INTS4: variants seen among roughly 807,000 people sequenced by gnomAD.
The protein encoded by INTS4 is integrator complex subunit 4, also known as MSTP093.
In INTS4, 70 loss-of-function variants were observed where a neutral mutation model predicts 119.5. The ratio of observed to expected loss-of-function variants is 0.59; its 90% CI spans 0.48 to 0.71. INTS4 has a LOEUF of 0.71. Among genes scored for constraint, INTS4 ranks in the 30% least tolerant of loss-of-function variants. The pLI is 0.00. For missense variants in INTS4, 867 were observed against 1,173.2 expected, an observed-to-expected ratio of 0.74 and a Z score of 3.81; for synonymous variants, 316 against 419.6, an observed-to-expected ratio of 0.75 and a Z score of 3.02.
chr11:77,893,096 T>G (rs564773926), intron 19 of INTS4, among the ~76,000 whole-genome samples: 2 of 152,300 alleles, frequency 1.3e-5, no homozygotes, highest in Non-Finnish European at 2.9e-5. Context: ...TGCTTTAAGA[T>G]CCTATGTCTT....
intron 21 of INTS4, among the ~76,000 whole-genome samples, chr11:77,890,876 G>A (rs1329900435): frequency 1.3e-5 from 2 of 152,134 alleles, no homozygotes; most frequent in Non-Finnish European, 2.9e-5. Context: ...TATGTAACTT[G>A]GGAAAGAATA....
intron 14 of INTS4, 136 bp downstream of exon 14, chr11:77,921,201 CAGG>C: frequency 1.4e-6 from 1 of 738,258 alleles, no homozygotes; most frequent in Non-Finnish European, 2.3e-6. Flanking sequence ...GAGGCTGAGC[CAGG>C]AGGATGGCTT....
intron 3 of INTS4, among the ~76,000 whole-genome samples, chr11:77,980,207 G>A (rs1856151621): frequency 1.3e-5 from 2 of 151,542 alleles, no homozygotes; most frequent in South Asian, 4.2e-4. Flanking sequence ...ACTTCTCTAA[G>A]TAGAATGCCT....
At chr11:77,906,259 A>G (rs999641863) in intron 16 of INTS4, among the ~76,000 whole-genome samples, 1 of 152,188 alleles carries the variant, frequency 6.6e-6, no homozygotes, top group Non-Finnish European at 1.5e-5. Context: ...AATTCTTCAT[A>G]AAGAATTACT....
At chr11:77,950,189 G>A (rs1954154888) in intron 8 of INTS4, among the ~76,000 whole-genome samples, 1 of 152,156 alleles carries the variant, frequency 6.6e-6, no homozygotes, top group Non-Finnish European at 1.5e-5. Flanking sequence ...GACACAAGGA[G>A]GGAAACATCA....
intron 8 of INTS4, among the ~76,000 whole-genome samples, chr11:77,952,473 T>G (rs1251925673): frequency 2.0e-5 from 3 of 152,238 alleles, no homozygotes; most frequent in Non-Finnish European, 2.9e-5. Flanking sequence ...TGTGCTTGTA[T>G]ATAAAGAAGT....
At position 77,879,062 on chromosome 11, in the gene INTS4, G is replaced by C. The variant is rs770220271; in HGVS notation, c.2779C>G (p.Pro927Ala). 8 of 1,613,992 alleles carry C rather than the reference G, an allele frequency of 5.0e-6. No homozygotes were observed. The Admixed American group carries it at 1.3e-4, about 27-fold the overall frequency. Reference protein sequence around the residue: ...YNSSARIPKCPWMEGGEMSPQ... With the variant: ...YNSSARIPKCAWMEGGEMSPQ... The stretch of plus-strand genomic sequence containing the variant: ...GACATCTCACCACCCTCCATCCAGG[G>C]GCATTTTGGAATGCGAGCACTGGAG... The change falls in exon 23 of 23, where the codon CCC becomes GCC. Residue 927 changes from proline (P) to alanine (A), a missense_variant. Transcript: ENST00000534064.
At chr11:77,958,414 C>T (rs1954384127) in intron 7 of INTS4, among the ~76,000 whole-genome samples, 1 of 152,120 alleles carries the variant, frequency 6.6e-6, no homozygotes, top group Admixed American at 6.5e-5. Context: ...TTGGCACAAG[C>T]CAAACTAAAA....
In INTS4 at chr11:77,973,276, C is replaced by T. The variant is rs1001995113; in HGVS notation, c.471+5720G>A. Among the ~76,000 whole-genome samples, 3 of 152,150 alleles carry T rather than the reference C, an allele frequency of 2.0e-5. No homozygotes were observed. The East Asian group carries it at 5.8e-4, about 29-fold the overall frequency. ...TTTTGTATCCTGCAATCTTGCTAAA[C>T]TCATTTATTACTTCAAACAGTTTTT... On this transcript the variant is annotated intron_variant, in intron 4 of 22. Transcript: ENST00000534064.
At chr11:77,966,544 T>C (rs557490049) in intron 4 of INTS4, among the ~76,000 whole-genome samples, 1 of 152,314 alleles carries the variant, frequency 6.6e-6, no homozygotes, top group African/African-American at 2.4e-5. Context: ...ATCTATTGAA[T>C]AGATTGTCCT....
In INTS4 at chr11:77,901,425, G is replaced by T; in HGVS notation, c.2224C>A (p.Arg742=). 6.2e-7 allele frequency: 1 copy of T among 1,613,870 alleles called. No homozygotes were observed. The highest frequency in any genetic ancestry group is 1.1e-5 in the South Asian group (1 of 91,066). The stretch of plus-strand genomic sequence containing the variant: ...TTGGCCAACCCCACATCTTACCCTC[G>T]TGTAGTTCGTGCTGTTACTATAAGT... ...LQLIVTARTT[R]GLDPLFGMCE... is the part of the protein sequence containing the mutation. The change falls in exon 18 of 23, where the codon CGA becomes AGA. Residue 742 remains arginine (R), a synonymous_variant. Coordinates refer to ENST00000534064, the MANE Select transcript of INTS4 (RefSeq NM_033547.4).
Position 77,979,055 on chromosome 11 carries a change from C to T in INTS4, c.412G>A (p.Gly138Ser), listed in dbSNP as rs1856077526. The change falls in exon 4 of 23, where the codon GGC becomes AGC. Residue 138 changes from glycine (G) to serine (S), a missense_variant. Physicochemically the swap from Gly to Ser is moderately conservative, Grantham distance 56 (BLOSUM62 0). Coordinates refer to ENST00000534064, the MANE Select transcript of INTS4 (RefSeq NM_033547.4). ...AQLLDTLLAIGTKLPENQAIQ... is the reference protein window; with the variant it reads ...AQLLDTLLAISTKLPENQAIQ... Reference sequence around the variant, plus strand: ...GCTTGATTCTCTGGTAGCTTAGTGCCAATTGCAAGCAAAGTATCCAGCAGT... The same window carrying T: ...GCTTGATTCTCTGGTAGCTTAGTGCTAATTGCAAGCAAAGTATCCAGCAGT... The T allele has an allele frequency of 1.2e-6, 2 of 1,612,960 alleles. No individual in the cohort carries two copies. The highest frequency in any genetic ancestry group is 1.7e-5 in the Admixed American group (1 of 59,970).
chr11:77,917,222 T>C (rs1179581003), intron 15 of INTS4, among the ~76,000 whole-genome samples: 2 of 152,188 alleles, frequency 1.3e-5, no homozygotes, highest in Admixed American at 6.5e-5. Flanking sequence ...CTAAAAATTA[T>C]TAATTGAATG....
chr11:77,898,554 C>T (rs1952632598), intron 18 of INTS4, among the ~76,000 whole-genome samples: 1 of 152,182 alleles, frequency 6.6e-6, no homozygotes, highest in Non-Finnish European at 1.5e-5. Flanking sequence ...ATTAGATCAC[C>T]TTGATCTTAG....
intron 6 of INTS4, among the ~76,000 whole-genome samples, 193 bp from the exon 7 acceptor site, chr11:77,959,027 T>C (rs1243796501): frequency 1.3e-5 from 2 of 152,234 alleles, no homozygotes; most frequent in Non-Finnish European, 2.9e-5. Flanking sequence ...ATTCTGACTA[T>C]GCACCCTACC....
In INTS4 at chr11:77,980,359, T is replaced by C. The variant is rs114404279; in HGVS notation, c.364+1100A>G. ...CTGTACTGAAGCAATGCTATTGTTT[T>C]GGTGCTTGTATTTATTTTTTTATTT... On this transcript the variant is annotated intron_variant, in intron 3 of 22. Transcript: ENST00000534064. Among the ~76,000 whole-genome samples the C allele has an allele frequency of 4.4e-3, 662 of 151,054 alleles. 3 individuals carry two copies. Among genetic ancestry groups the C allele is most frequent in the African/African-American group, 0.015 (627 of 41,266 alleles).
At chr11:77,973,016 A>G (rs1034542179) in intron 4 of INTS4, among the ~76,000 whole-genome samples, 1 of 151,278 alleles carries the variant, frequency 6.6e-6, no homozygotes, top group Non-Finnish European at 1.5e-5. Flanking sequence ...AATTTTTTCA[A>G]TTTTTAGTAG....
chr11:77,880,877 T>A (rs894552758), intron 22 of INTS4, among the ~76,000 whole-genome samples: 3 of 151,996 alleles, frequency 2.0e-5, no homozygotes, highest in Non-Finnish European at 4.4e-5. Context: ...CCCGAGAGGA[T>A]CACACCACTG....
In INTS4 at chr11:77,953,756, G is replaced by A. The variant is rs572030005; in HGVS notation, c.918+2186C>T. ...GTGTCATCACACCAGGCTAGTTTTTGTATTTTTAGTAGAGATGGGGTTTCA... is the reference window on the plus strand; with the variant it reads ...GTGTCATCACACCAGGCTAGTTTTTATATTTTTAGTAGAGATGGGGTTTCA... On this transcript the variant is annotated intron_variant, in intron 8 of 22. Coordinates refer to ENST00000534064, the MANE Select transcript of INTS4 (RefSeq NM_033547.4). 1.7e-3 allele frequency among the ~76,000 whole-genome samples: 257 copies of A among 152,202 alleles called. 4 individuals are homozygous for A. The highest frequency in any genetic ancestry group is 5.6e-3 in the African/African-American group (231 of 41,552).
Sources: gnomAD v4.1 joint callset for allele counts (sites outside exome capture counted in the v4.1 genomes callset) on GRCh38, gnomAD v4.1.1 for gene constraint, MANE v1.5 for transcripts, NCBI Gene and HGNC (gene_info 2026-07-23, HGNC 2026-07-21) for gene names.